The following EFCAB3 variants were observed in gnomAD, a reference collection of about 807,000 sequenced individuals.
EFCAB3 encodes the protein EF-hand calcium-binding domain-containing protein 3.
In EFCAB3, 36 loss-of-function variants were observed where a neutral mutation model predicts 42.2. The observed-to-expected ratio is 0.85, with a 90% confidence interval of 0.65 to 1.13. The LOEUF is 1.13. EFCAB3 is among the 50% of genes most tolerant of loss of function. The pLI, the probability that EFCAB3 is intolerant of heterozygous loss-of-function variation, is 0.00. For missense variants in EFCAB3, 418 were observed against 505.1 expected (o/e 0.83, Z 1.65); for synonymous variants, 170 against 172.8 (o/e 0.98, Z 0.13).
At chr17:62,405,681 T>G (rs1337384594) in intron 6 of EFCAB3, among the ~76,000 whole-genome samples, 3 of 152,166 alleles carry the variant, frequency 2.0e-5, no homozygotes, top group Non-Finnish European at 4.4e-5. Flanking sequence ...GGCATGCATG[T>G]TTGTAAGTCA....
At chr17:62,376,195 G>A (rs932157704), upstream of EFCAB3, among the ~76,000 whole-genome samples, 20 of 152,120 alleles carry the variant, frequency 1.3e-4, no homozygotes, top group African/African-American at 4.8e-4. Flanking sequence ...TTCTTTGGCT[G>A]GGCACGGTGG....
At chr17:62,392,070 G>GC (rs927951426) in intron 4 of EFCAB3, 105 bp downstream of exon 4, 73 of 1,027,532 alleles carry the variant, frequency 7.1e-5, no homozygotes, top group Admixed American at 9.4e-5. Flanking sequence ...TTATTTACTT[G>GC]CCCCCCCAAA....
At chr17:62,415,642 G>A (rs1455707036) in intron 9 of EFCAB3, among the ~76,000 whole-genome samples, 2 of 151,996 alleles carry the variant, frequency 1.3e-5, no homozygotes, top group African/African-American at 4.8e-5. Flanking sequence ...CATCCTTGAG[G>A]ACCTACTCAG....
At chr17:62,382,566 C>G (rs1015172382) in intron 1 of EFCAB3, among the ~76,000 whole-genome samples, 1 of 152,208 alleles carries the variant, frequency 6.6e-6, no homozygotes, top group Admixed American at 6.5e-5. Flanking sequence ...CTTTGTATCA[C>G]CAACATCTCC....
chr17:62,373,239 C>T (rs748261287), intron 1 of EFCAB3, among the ~76,000 whole-genome samples: 12 of 149,696 alleles, frequency 8.0e-5, no homozygotes, highest in Non-Finnish European at 1.5e-4. Context: ...GAGATCACAC[C>T]ACTGCACTCC....
At chr17:62,414,500 T>C (rs1157312541) in intron 9 of EFCAB3, among the ~76,000 whole-genome samples, 1 of 152,164 alleles carries the variant, frequency 6.6e-6, no homozygotes, top group Non-Finnish European at 1.5e-5. Flanking sequence ...AAACTCAACA[T>C]GTCCAAAACA....
At chr17:62,391,744 A>G in intron 3 of EFCAB3, 78 bp from the exon 4 acceptor site, 1 of 1,392,374 alleles carries the variant, frequency 7.2e-7, no homozygotes, top group Non-Finnish European at 9.7e-7. Context: ...AGTCAACTAT[A>G]TTGTCTGTCC....
chr17:62,387,051 C>T (rs1385648771), intron 2 of EFCAB3, among the ~76,000 whole-genome samples: 1 of 152,140 alleles, frequency 6.6e-6, no homozygotes, highest in Non-Finnish European at 1.5e-5. Flanking sequence ...CTTGACCTCC[C>T]AAAGGGGTAG....
At chr17:62,387,865 G>A (rs891937467) in intron 3 of EFCAB3, among the ~76,000 whole-genome samples, 4 of 152,138 alleles carry the variant, frequency 2.6e-5, no homozygotes, top group African/African-American at 9.7e-5. Flanking sequence ...CAAGTCAGAT[G>A]TGGTCCCTGC....
intron 6 of EFCAB3, among the ~76,000 whole-genome samples, chr17:62,400,432 A>G (rs1252348898): frequency 6.6e-6 from 1 of 152,034 alleles, no homozygotes; most frequent in Admixed American, 6.6e-5. Flanking sequence ...CCTGTGTCCA[A>G]GTGTTCTCAT....
intron 5 of EFCAB3, 46 bp from the exon 6 acceptor site, chr17:62,395,022 A>G (rs2070336523): frequency 6.2e-7 from 1 of 1,602,366 alleles, no homozygotes; most frequent in African/African-American, 1.4e-5. Context: ...TCAATTTCTT[A>G]TTTCAGAAGG....
At chr17:62,370,594 T>C (rs986860823) in intron 1 of EFCAB3, among the ~76,000 whole-genome samples, 14 of 151,160 alleles carry the variant, frequency 9.3e-5, no homozygotes, top group African/African-American at 2.9e-4. Context: ...AGGGGGAGGT[T>C]GCAGTGAGCT....
intron 1 of EFCAB3, among the ~76,000 whole-genome samples, chr17:62,371,102 GAAAAA>G (rs10537497): frequency 6.8e-6 from 1 of 147,994 alleles, no homozygotes; most frequent in African/African-American, 2.5e-5. Flanking sequence ...CTTAAAAAAA[GAAAAA>G]AAAAAAAGAG....
intron 6 of EFCAB3, among the ~76,000 whole-genome samples, chr17:62,403,794 C>G (rs2070425135): frequency 6.6e-6 from 1 of 152,122 alleles, no homozygotes; most frequent in Admixed American, 6.6e-5. Flanking sequence ...GACTACAAGC[C>G]TGCACTACCA....
chr17:62,407,913 C>T (rs2070462319), intron 8 of EFCAB3, among the ~76,000 whole-genome samples: 1 of 152,150 alleles, frequency 6.6e-6, no homozygotes, highest in Non-Finnish European at 1.5e-5. Flanking sequence ...CATCACTATA[C>T]AATTCCTAGA....
intron 6 of EFCAB3, among the ~76,000 whole-genome samples, chr17:62,402,531 G>T (rs2070412834): frequency 6.6e-6 from 1 of 152,080 alleles, no homozygotes; most frequent in Admixed American, 6.5e-5. Context: ...GGCCTTTTCT[G>T]CATCTATTGA....
rs149105564 is a variant in EFCAB3, at chr17:62,395,769, C to T, written c.488+581C>T. Among the ~76,000 whole-genome samples, 774 of 152,226 alleles carry T rather than the reference C, an allele frequency of 5.1e-3. 6 individuals carry two copies. The highest frequency in any genetic ancestry group is 8.5e-3 in the Non-Finnish European group (576 of 68,002). ...CTGCATTATTTATTCCAGCAAGTAGCGCTGAGAGTAAATCACCTCAATCTA... is the reference window on the plus strand; with the variant it reads ...CTGCATTATTTATTCCAGCAAGTAGTGCTGAGAGTAAATCACCTCAATCTA... On this transcript the variant is annotated intron_variant, in intron 6 of 9. Coordinates refer to ENST00000305286, the MANE Select transcript of EFCAB3 (RefSeq NM_173503.4).
intron 8 of EFCAB3, among the ~76,000 whole-genome samples, chr17:62,410,063 G>A (rs2070481932): frequency 6.6e-6 from 1 of 152,064 alleles, no homozygotes; most frequent in Non-Finnish European, 1.5e-5. Context: ...GCTGAGCGTG[G>A]TGGCATATGC....
Position 62,391,302 on chromosome 17 carries a change from T to C in EFCAB3, c.152-520T>C, listed in dbSNP as rs527402416. Among the ~76,000 whole-genome samples, 18 of 152,066 alleles carry C rather than the reference T, an allele frequency of 1.2e-4. No individual in the cohort carries two copies. In the South Asian group the frequency reaches 3.7e-3, roughly 32 times the overall value. ...TTGGCAGAATTCTGTTCTTTTTTCT[T>C]GCAGGGCTGACATTCCAGTTTCTTT... is the stretch of plus-strand genomic sequence containing the variant. On this transcript the variant is annotated intron_variant, in intron 3 of 9. Coordinates refer to ENST00000305286, the MANE Select transcript of EFCAB3 (RefSeq NM_173503.4).
Sources: allele counts gnomAD v4.1 joint callset (sites outside exome capture counted in the v4.1 genomes callset), GRCh38; gene constraint gnomAD v4.1.1; transcripts MANE v1.5; gene names NCBI Gene and HGNC (gene_info 2026-07-23, HGNC 2026-07-21).